The following SBF2 variants were observed in gnomAD, a reference collection of about 807,000 sequenced individuals.
SBF2 encodes SET binding factor 2, also known as myotubularin-related protein 13.
A neutral mutation model predicts 225.2 loss-of-function variants in SBF2; 112 were observed. The ratio of observed to expected loss-of-function variants is 0.50; its 90% CI spans 0.43 to 0.58. SBF2 has a LOEUF of 0.58. Among genes scored for constraint, SBF2 ranks in the 20% least tolerant of loss-of-function variants. SBF2 has a pLI of 0.00. For synonymous variants in SBF2, 763 were observed against 773.3 expected (o/e 0.99, Z 0.22); for missense variants, 1,996 against 2,206.2 (o/e 0.90, Z 1.91).
intron 32 of SBF2, among the ~76,000 whole-genome samples, chr11:9,805,114 T>C (rs1252202350): frequency 6.6e-6 from 1 of 151,834 alleles, no homozygotes; most frequent in Non-Finnish European, 1.5e-5. Context: ...GCTGTGGTGG[T>C]GTGCACCTAT....
chr11:10,235,784 A>C (rs776923301), intron 1 of SBF2, among the ~76,000 whole-genome samples: 1 of 152,166 alleles, frequency 6.6e-6, no homozygotes, highest in Non-Finnish European at 1.5e-5. Context: ...CTAGATATCC[A>C]TCATTCAAGA....
Position 9,962,005 on chromosome 11 carries a change from G to A in SBF2, c.1812C>T (p.Asp604=), listed in dbSNP as rs765658939. 200 of 1,613,874 alleles carry A rather than the reference G, an allele frequency of 1.2e-4. No homozygotes were observed. Among genetic ancestry groups the A allele is most frequent in the Non-Finnish European group, 1.5e-4 (180 of 1,179,902 alleles). The change falls in exon 16 of 40, where the codon GAC becomes GAT. Residue 604 remains aspartate (D), a synonymous_variant. Transcript: ENST00000256190. ...LHVQQNRAIL[D]HQQFDYIIRM... ...TTATTATGTAGTCAAACTGTTGATG[G>A]TCTAATATTGCCCGGTTTTGCTGGA...
At chr11:9,962,640 A>G (rs1277484636) in intron 15 of SBF2, among the ~76,000 whole-genome samples, 2 of 152,212 alleles carry the variant, frequency 1.3e-5, no homozygotes, top group Non-Finnish European at 1.5e-5. Context: ...GGAGTTGCAA[A>G]AACAGATATC....
intron 28 of SBF2, 79 bp downstream of exon 28, chr11:9,829,277 T>G: frequency 6.8e-7 from 1 of 1,479,308 alleles, no homozygotes; most frequent in Non-Finnish European, 9.4e-7. Context: ...AAATAACAAA[T>G]AACAGTACAA....
intron 7 of SBF2, among the ~76,000 whole-genome samples, chr11:10,001,527 A>ATT (rs1231504653): frequency 2.0e-5 from 3 of 151,770 alleles, no homozygotes; most frequent in African/African-American, 7.3e-5. Context: ...ATTAAAAATA[A>ATT]ATTTTTTTTT....
At chr11:9,980,274 C>T (rs899953285) in intron 13 of SBF2, among the ~76,000 whole-genome samples, 38 of 147,770 alleles carry the variant, frequency 2.6e-4, no homozygotes, top group Non-Finnish European at 4.8e-4. Context: ...GCCACCATAC[C>T]CAGCCTCTTG....
intron 13 of SBF2, among the ~76,000 whole-genome samples, chr11:9,987,287 A>G (rs536017901): frequency 1.8e-3 from 267 of 152,284 alleles, no homozygotes; most frequent in Non-Finnish European, 2.9e-3. Flanking sequence ...ATGTAATAAA[A>G]GCCATCTATA....
chr11:9,893,317 T>C (rs892810572), intron 17 of SBF2, among the ~76,000 whole-genome samples: 1 of 152,250 alleles, frequency 6.6e-6, no homozygotes, highest in Non-Finnish European at 1.5e-5. Flanking sequence ...ATCCGTGTGA[T>C]CTACCTTACC....
chr11:9,826,819 T>C (rs1855097886), intron 28 of SBF2, among the ~76,000 whole-genome samples: 1 of 151,794 alleles, frequency 6.6e-6, no homozygotes. Flanking sequence ...AGTTTTGCTC[T>C]TGTTGCCCAG....
chr11:9,953,212 G>A (rs865872439), intron 16 of SBF2, among the ~76,000 whole-genome samples: 2 of 152,218 alleles, frequency 1.3e-5, no homozygotes, highest in Admixed American at 6.5e-5. Context: ...TTGGGAGGCT[G>A]AGACAGGTGG....
At chr11:10,219,756 G>A (rs1166746360) in intron 1 of SBF2, among the ~76,000 whole-genome samples, 1 of 152,106 alleles carries the variant, frequency 6.6e-6, no homozygotes, top group Non-Finnish European at 1.5e-5. Context: ...CAGTCTCTTT[G>A]CATAGCAAGA....
chr11:9,866,083 T>TG (rs1858198477), intron 17 of SBF2, among the ~76,000 whole-genome samples: 1 of 152,226 alleles, frequency 6.6e-6, no homozygotes, highest in African/African-American at 2.4e-5. Context: ...CTCATTGTTA[T>TG]CTATACCAAT....
At chr11:10,289,082 G>A (rs1337562682) in intron 1 of SBF2, among the ~76,000 whole-genome samples, 2 of 152,346 alleles carry the variant, frequency 1.3e-5, no homozygotes, top group African/African-American at 2.4e-5. Context: ...TCCAGAGGGG[G>A]CTGAGGAGGC....
chr11:10,258,394 C>T (rs1233803094), intron 1 of SBF2, among the ~76,000 whole-genome samples: 1 of 152,204 alleles, frequency 6.6e-6, no homozygotes, highest in African/African-American at 2.4e-5. Context: ...CAGGCATAAG[C>T]CATTGTGCCC....
chr11:10,228,147 T>C lies in SBF2; in HGVS notation c.56-34160A>G, dbSNP rs531264787. Among the ~76,000 whole-genome samples, 9 of 152,202 alleles carry C rather than the reference T, an allele frequency of 5.9e-5. No individual in the cohort carries two copies. In the East Asian group the frequency reaches 1.2e-3, roughly 20 times the overall value. On this transcript the variant is annotated intron_variant, in intron 1 of 39. Coordinates refer to ENST00000256190, the MANE Select transcript of SBF2 (RefSeq NM_030962.4). ...TGTCTGTTATTGGTGTATAAGAATG[T>C]TTGTGATTTTTGCACATTGATTTTG...
At chr11:9,986,605 C>T (rs1292799071) in intron 13 of SBF2, among the ~76,000 whole-genome samples, 1 of 152,062 alleles carries the variant, frequency 6.6e-6, no homozygotes, top group Non-Finnish European at 1.5e-5. Flanking sequence ...GGAGATATTA[C>T]ACCTGACACC....
At chr11:10,138,434 T>C (rs927992809) in intron 2 of SBF2, among the ~76,000 whole-genome samples, 1 of 152,178 alleles carries the variant, frequency 6.6e-6, no homozygotes, top group Non-Finnish European at 1.5e-5. Flanking sequence ...TTCATTGATT[T>C]TTCTCTAGTT....
rs745356097 is a variant in SBF2, at chr11:9,817,035, G to A, written c.3794-11C>T. The A allele has an allele frequency of 1.2e-6, 2 of 1,613,748 alleles. No homozygotes were observed. The highest frequency in any genetic ancestry group is 1.7e-6 in the Non-Finnish European group (2 of 1,179,956). The stretch of plus-strand genomic sequence containing the variant: ...GACTTGCCCACACACCTTCACAAAA[G>A]CCAAAGTCGTGGAGTGAGATAATCT... On this transcript the variant is annotated splice_polypyrimidine_tract_variant and intron_variant, in intron 28 of 39. Transcript: ENST00000256190.
At chr11:9,948,722 T>C (rs1372836777) in intron 16 of SBF2, among the ~76,000 whole-genome samples, 1 of 152,174 alleles carries the variant, frequency 6.6e-6, no homozygotes, top group African/African-American at 2.4e-5. Flanking sequence ...CATATACACA[T>C]AGACGTATAC....
Sources: allele counts gnomAD v4.1 joint callset (sites outside exome capture counted in the v4.1 genomes callset), GRCh38; gene constraint gnomAD v4.1.1; transcripts MANE v1.5; gene names NCBI Gene and HGNC (gene_info 2026-07-23, HGNC 2026-07-21).